The following CCDC171 variants were observed in gnomAD, a reference collection of about 807,000 sequenced individuals.
CCDC171 encodes the protein coiled-coil domain-containing protein 171.
CCDC171 carries 177 observed loss-of-function variants against 168.2 expected under a neutral mutation model. The observed-to-expected ratio is 1.05, with a 90% CI of 0.93 to 1.19. CCDC171 has a LOEUF of 1.19. Among genes scored for constraint, CCDC171 ranks in the 50% most tolerant of loss-of-function variants. CCDC171 has a pLI of 0.00. For synonymous variants in CCDC171, 687 were observed against 540.8 expected (o/e 1.27, Z -3.75); for missense variants, 1,991 against 1,539.0 (o/e 1.29, Z -4.91).
At chr9:15,698,296 T>C (rs913941443) in intron 11 of CCDC171, among the ~76,000 whole-genome samples, 9 of 151,350 alleles carry the variant, frequency 5.9e-5, no homozygotes, top group African/African-American at 2.2e-4. Flanking sequence ...CCGAGGGGGG[T>C]GGATCACGAG....
chr9:15,685,632 C>T (rs998020162), intron 10 of CCDC171, among the ~76,000 whole-genome samples: 12 of 151,134 alleles, frequency 7.9e-5, no homozygotes, highest in Non-Finnish European at 1.6e-4. Flanking sequence ...GAGACCCTGT[C>T]TCAAAAAAAA....
At chr9:16,050,916 A>G (rs768737455) in intron 1 of CCDC171, among the ~76,000 whole-genome samples, 1 of 152,210 alleles carries the variant, frequency 6.6e-6, no homozygotes, top group Admixed American at 6.5e-5. Flanking sequence ...ATTACCAACC[A>G]TAGTGAAGCA....
intron 18 of CCDC171, among the ~76,000 whole-genome samples, chr9:15,751,742 T>G (rs2055757786): frequency 6.6e-6 from 1 of 152,142 alleles, no homozygotes; most frequent in Admixed American, 6.5e-5. Context: ...TCCTTACGCC[T>G]TATACAAAAA....
intron 6 of CCDC171, among the ~76,000 whole-genome samples, chr9:15,601,541 G>A (rs2042854258): frequency 6.6e-6 from 1 of 152,148 alleles, no homozygotes; most frequent in African/African-American, 2.4e-5. Context: ...CATTCTCTAA[G>A]TACTTACTGA....
At chr9:15,841,068 C>T (rs987651638) in intron 21 of CCDC171, among the ~76,000 whole-genome samples, 1 of 151,950 alleles carries the variant, frequency 6.6e-6, no homozygotes, top group African/African-American at 2.4e-5. Flanking sequence ...AATCATGAGG[C>T]ATTATACAAC....
At chr9:15,856,100 T>G (rs1270988826) in intron 23 of CCDC171, among the ~76,000 whole-genome samples, 1 of 151,986 alleles carries the variant, frequency 6.6e-6, no homozygotes, top group Non-Finnish European at 1.5e-5. Context: ...GCAGATCTAG[T>G]GGTGAACTCC....
At chr9:15,791,905 A>G (rs572233598) in intron 21 of CCDC171, among the ~76,000 whole-genome samples, 2 of 152,188 alleles carry the variant, frequency 1.3e-5, no homozygotes, top group Admixed American at 6.5e-5. Context: ...AAAATTCTAA[A>G]AATCAGAGCA....
chr9:15,997,722 C>T (rs1244655675), intron 3 of CCDC171, among the ~76,000 whole-genome samples: 1 of 152,190 alleles, frequency 6.6e-6, no homozygotes, highest in South Asian at 2.1e-4. Flanking sequence ...TACCTGGTGG[C>T]AGTACCCCAA....
chr9:15,886,075 G>A (rs1480404214), intron 24 of CCDC171: 3 of 152,028 alleles, frequency 2.0e-5, no homozygotes, highest in African/African-American at 7.2e-5. Flanking sequence ...ATATCCACAT[G>A]CAAAAGAATG....
chr9:16,034,284 T>C (rs1374742541), intron 6 of CCDC171, among the ~76,000 whole-genome samples: 1 of 152,210 alleles, frequency 6.6e-6, no homozygotes, highest in Non-Finnish European at 1.5e-5. Flanking sequence ...GCCTTCCTTA[T>C]GAAGAGATGC....
intron 8 of CCDC171, 90 bp from the exon 9 acceptor site, chr9:15,666,073 T>C: frequency 6.2e-6 from 7 of 1,128,502 alleles, no homozygotes; most frequent in Non-Finnish European, 8.9e-6. Flanking sequence ...GGATGAATGA[T>C]AATCTGTTAC....
intron 9 of CCDC171, among the ~76,000 whole-genome samples, chr9:15,667,700 G>T (rs192038671): frequency 3.8e-4 from 58 of 152,274 alleles, no homozygotes; most frequent in Non-Finnish European, 3.2e-4. Context: ...TTAAGTGAAA[G>T]TGTGATTTAA....
At chr9:15,824,508 C>T (rs999696981) in intron 21 of CCDC171, among the ~76,000 whole-genome samples, 1 of 151,974 alleles carries the variant, frequency 6.6e-6, no homozygotes, top group African/African-American at 2.4e-5. Context: ...ATGCTGCCCC[C>T]AGGTGTTGGC....
chr9:16,032,999 G>A (rs989163304), intron 6 of CCDC171, among the ~76,000 whole-genome samples: 4 of 152,132 alleles, frequency 2.6e-5, no homozygotes, highest in Non-Finnish European at 5.9e-5. Flanking sequence ...GGTTTAGCGT[G>A]GGTCACATTC....
chr9:16,005,270 C>T (rs1347267585), intron 3 of CCDC171, among the ~76,000 whole-genome samples: 1 of 152,184 alleles, frequency 6.6e-6, no homozygotes, highest in Non-Finnish European at 1.5e-5. Flanking sequence ...TTGTGAGTGA[C>T]TTTTTCACAT....
chr9:15,931,164 C>T (rs552576432), intron 25 of CCDC171, among the ~76,000 whole-genome samples: 14 of 151,720 alleles, frequency 9.2e-5, no homozygotes, highest in African/African-American at 2.9e-4. Context: ...AACTCCATAC[C>T]GTTTTCCATT....
At chr9:15,811,130 A>G (rs2059338485) in intron 21 of CCDC171, among the ~76,000 whole-genome samples, 1 of 152,232 alleles carries the variant, frequency 6.6e-6, no homozygotes, top group Non-Finnish European at 1.5e-5. Context: ...TTGGGCTTGG[A>G]AAGAGAAACT....
intron 25 of CCDC171, among the ~76,000 whole-genome samples, chr9:15,921,500 G>A (rs989152624): frequency 1.6e-4 from 25 of 151,532 alleles, no homozygotes; most frequent in Non-Finnish European, 3.5e-4. Flanking sequence ...TCCTTCCTCA[G>A]TAGAATGTAG....
At chr9:15,761,736 G>A (rs1422113714) in intron 18 of CCDC171, among the ~76,000 whole-genome samples, 1 of 152,074 alleles carries the variant, frequency 6.6e-6, no homozygotes, top group African/African-American at 2.4e-5. Context: ...ATCGTTTCTG[G>A]TGCTTCAGCT....
Sources: allele counts gnomAD v4.1 joint callset (sites outside exome capture counted in the v4.1 genomes callset), GRCh38; gene constraint gnomAD v4.1.1; transcripts MANE v1.5; gene names NCBI Gene and HGNC (gene_info 2026-07-23, HGNC 2026-07-21).